NCAM2: variants seen among roughly 807,000 people sequenced by gnomAD.
NCAM2 encodes the protein neural cell adhesion molecule 2.
In NCAM2, 30 loss-of-function variants were observed where a neutral mutation model predicts 98.1. The ratio of observed to expected loss-of-function variants is 0.31; its 90% confidence interval spans 0.23 to 0.41. NCAM2 has a LOEUF of 0.41. Among genes scored for constraint, NCAM2 ranks in the 10% least tolerant of loss-of-function variants. The pLI, the probability that NCAM2 is intolerant of heterozygous loss-of-function variation, is 1.00. For synonymous variants in NCAM2, 368 were observed against 342.4 expected, an observed-to-expected ratio of 1.07 and a Z score of -0.83; for missense variants, 867 against 1,005.8, an observed-to-expected ratio of 0.86 and a Z score of 1.87.
intron 1 of NCAM2, among the ~76,000 whole-genome samples, chr21:21,113,803 G>A (rs535388227): frequency 4.0e-5 from 6 of 151,358 alleles, no homozygotes; most frequent in Admixed American, 3.9e-4. Flanking sequence ...AAGGCTTAAA[G>A]CAATGCCTCT....
Position 21,385,560 on chromosome 21 carries a change from G to A in NCAM2, c.1195+11547G>A, listed in dbSNP as rs572048070. ...TAATAGCACTAAACTTAAGGTGTTA[G>A]AAAATTAAGCCTTTTTTTGCTCAAA... On this transcript the variant is annotated intron_variant, in intron 9 of 17. Coordinates refer to ENST00000400546, the MANE Select transcript of NCAM2 (RefSeq NM_004540.5). The A allele has an allele frequency of 6.8e-6, 7 of 1,031,116 alleles. No individual in the cohort carries two copies. The South Asian group carries it at 8.0e-5, about 12-fold the overall frequency. 63.9% of individuals were successfully genotyped at this position (1,031,116 alleles called of 1,614,324 possible). A position where few individuals can be genotyped will look rare whatever the true frequency, so the allele number is the denominator to read the frequency against.
At chr21:21,481,890 G>A (rs1985921177) in intron 15 of NCAM2, among the ~76,000 whole-genome samples, 1 of 152,170 alleles carries the variant, frequency 6.6e-6, no homozygotes, top group Non-Finnish European at 1.5e-5. Context: ...ACAAGGTCGG[G>A]AGTTTGAGAC....
intron 1 of NCAM2, among the ~76,000 whole-genome samples, chr21:21,179,627 G>C (rs1433197104): frequency 6.6e-6 from 1 of 152,134 alleles, no homozygotes; most frequent in Non-Finnish European, 1.5e-5. Flanking sequence ...TTTGTATCCG[G>C]ACTGTTTTAT....
intron 1 of NCAM2, among the ~76,000 whole-genome samples, chr21:21,021,990 TAGA>T (rs2064447672): frequency 6.6e-6 from 1 of 152,122 alleles, no homozygotes; most frequent in African/African-American, 2.4e-5. Context: ...TATTTATACT[TAGA>T]ATAAAAGAAG....
intron 16 of NCAM2, among the ~76,000 whole-genome samples, chr21:21,510,679 GA>G (rs761099718): frequency 1.1e-4 from 16 of 151,924 alleles, no homozygotes; most frequent in East Asian, 1.9e-4. Flanking sequence ...TCTTTTATTT[GA>G]AAAGTTTTTA....
Position 21,428,745 on chromosome 21 carries a change from A to G in NCAM2, c.1481-3363A>G, listed in dbSNP as rs530868570. On this transcript the variant is annotated intron_variant, in intron 11 of 17. Transcript: ENST00000400546. ...TCAAGGGTGAAGACAATTACAGATT[A>G]CAGAAAAATCCAGAAAGTGAAGAGA... 3.9e-4 allele frequency among the ~76,000 whole-genome samples: 60 copies of G among 152,360 alleles called. No homozygotes were observed. In the South Asian group the frequency reaches 0.012, roughly 32 times the overall value.
chr21:21,422,529 T>C (rs1165006306), intron 11 of NCAM2, among the ~76,000 whole-genome samples: 1 of 152,188 alleles, frequency 6.6e-6, no homozygotes, highest in Admixed American at 6.5e-5. Context: ...GCAAGGACTT[T>C]CCATTAAACC....
intron 1 of NCAM2, among the ~76,000 whole-genome samples, chr21:21,261,790 C>T (rs1206224607): frequency 6.6e-6 from 1 of 151,962 alleles, no homozygotes; most frequent in African/African-American, 2.4e-5. Flanking sequence ...CCTAACATTG[C>T]ACCTTAAGAA....
rs535583632 is a variant in NCAM2 at position 21,317,502 on chromosome 21, A to G, written c.620-6881A>G. 3.5e-4 allele frequency among the ~76,000 whole-genome samples: 54 copies of G among 152,218 alleles called. 1 individual carries two copies. In the South Asian group the frequency reaches 6.2e-3, roughly 18 times the overall value. On this transcript the variant is annotated intron_variant, in intron 5 of 17. Transcript: ENST00000400546. ...AAATATACATCATGACTTTTATTAT[A>G]CATTATTTTTCTTATAAGTTTTATA...
At chr21:21,451,300 C>A (rs1981032779) in intron 12 of NCAM2, among the ~76,000 whole-genome samples, 1 of 152,128 alleles carries the variant, frequency 6.6e-6, no homozygotes, top group African/African-American at 2.4e-5. Context: ...ATGTCCAGGT[C>A]AAATCAAATT....
intron 1 of NCAM2, among the ~76,000 whole-genome samples, chr21:21,203,445 T>C (rs1015799762): frequency 6.6e-6 from 1 of 152,180 alleles, no homozygotes; most frequent in African/African-American, 2.4e-5. Context: ...TTAATGGCAT[T>C]TGTTTTTGCC....
At chr21:21,269,913 T>G (rs2072430144) in intron 1 of NCAM2, among the ~76,000 whole-genome samples, 1 of 152,154 alleles carries the variant, frequency 6.6e-6, no homozygotes, top group South Asian at 2.1e-4. Context: ...GGCAAAACCT[T>G]CTGACTGAAC....
At chr21:21,250,827 A>G (rs988132739) in intron 1 of NCAM2, among the ~76,000 whole-genome samples, 1 of 152,214 alleles carries the variant, frequency 6.6e-6, no homozygotes, top group African/African-American at 2.4e-5. Flanking sequence ...ATGATCCTGG[A>G]ATATGTAGAA....
chr21:21,266,264 A>G (rs2072267562), intron 1 of NCAM2, among the ~76,000 whole-genome samples: 1 of 152,058 alleles, frequency 6.6e-6, no homozygotes, highest in South Asian at 2.1e-4. Context: ...TTACTCATTC[A>G]ACTAATTCAA....
intron 1 of NCAM2, among the ~76,000 whole-genome samples, chr21:21,187,164 C>T (rs1195678816): frequency 6.6e-6 from 1 of 151,936 alleles, no homozygotes; most frequent in African/African-American, 2.4e-5. Flanking sequence ...GCGGAGGTTG[C>T]AGTGAGCCAA....
intron 1 of NCAM2, 108 bp downstream of exon 1, chr21:20,998,726 A>T (rs1219405878): frequency 9.6e-7 from 1 of 1,045,750 alleles, no homozygotes; most frequent in Non-Finnish European, 1.4e-6. Context: ...CTAAAGTTAC[A>T]GTTATTGCTG....
At chr21:21,528,822 A>T (rs1989471138) in intron 16 of NCAM2, among the ~76,000 whole-genome samples, 1 of 152,128 alleles carries the variant, frequency 6.6e-6, no homozygotes, top group Admixed American at 6.6e-5. Flanking sequence ...CTAAATAATA[A>T]GGAAGAAACA....
chr21:21,524,496 C>T (rs1989210681), intron 16 of NCAM2, among the ~76,000 whole-genome samples: 1 of 147,928 alleles, frequency 6.8e-6, no homozygotes, highest in Admixed American at 6.8e-5. Flanking sequence ...GGCAATTGCA[C>T]TCCAGCCTAT....
chr21:21,391,801 G>C (rs1385123785), intron 9 of NCAM2, among the ~76,000 whole-genome samples: 1 of 85,360 alleles, frequency 1.2e-5, no homozygotes, highest in Admixed American at 1.5e-4. Flanking sequence ...TTGAAACATT[G>C]CTGGTTAGGT....
Sources: gnomAD v4.1 joint callset for allele counts (sites outside exome capture counted in the v4.1 genomes callset) on GRCh38, gnomAD v4.1.1 for gene constraint, MANE v1.5 for transcripts, NCBI Gene and HGNC (gene_info 2026-07-23, HGNC 2026-07-21) for gene names.